Variants in COG5 observed in about 807,000 individuals in gnomAD.
The protein encoded by COG5 is component of oligomeric golgi complex 5.
Under a neutral mutation model 110.4 loss-of-function variants are expected in COG5, and 86 were observed. The ratio of observed to expected loss-of-function variants is 0.78; its 90% CI spans 0.65 to 0.93. The LOEUF is 0.93. COG5 is among the 40% of genes least tolerant of loss of function. The pLI is 0.00. For missense variants in COG5, 1,077 were observed against 987.0 expected (o/e 1.09, Z -1.22); for synonymous variants, 360 against 334.6 (o/e 1.08, Z -0.83).
At position 107,465,995 on chromosome 7, in the gene COG5, G is replaced by T. The variant is rs972079759; in HGVS notation, c.539-53363C>A. On this transcript the variant is annotated intron_variant, in intron 6 of 21. Coordinates refer to ENST00000297135, the MANE Select transcript of COG5 (RefSeq NM_006348.5). ...TAGTTGATCAATGGACTTGGCCTCA[G>T]GACACAAAATTAATTTGATTCTGCA... Among the ~76,000 whole-genome samples the T allele has an allele frequency of 4.0e-4, 61 of 151,918 alleles. 1 individual carries two copies. Among genetic ancestry groups the T allele is most frequent in the African/African-American group, 1.4e-3 (58 of 41,342 alleles).
chr7:107,326,139 C>A (rs910825582), intron 10 of COG5, among the ~76,000 whole-genome samples: 2 of 152,078 alleles, frequency 1.3e-5, no homozygotes, highest in Admixed American at 6.5e-5. Flanking sequence ...CAAACTAGGA[C>A]TCGAAGGAAA....
chr7:107,342,545 G>A (rs900835319), intron 10 of COG5, among the ~76,000 whole-genome samples: 9 of 152,004 alleles, frequency 5.9e-5, no homozygotes, highest in Non-Finnish European at 1.3e-4. Context: ...GGGCATGGTG[G>A]TGGGCACCTG....
At chr7:107,323,586 C>A (rs1043335880) in intron 11 of COG5, among the ~76,000 whole-genome samples, 2 of 152,092 alleles carry the variant, frequency 1.3e-5, no homozygotes, top group East Asian at 3.9e-4. Flanking sequence ...GTAAATGGAT[C>A]CTAATATCCC....
intron 11 of COG5, among the ~76,000 whole-genome samples, chr7:107,304,059 T>C (rs1056039941): frequency 6.6e-6 from 1 of 152,174 alleles, no homozygotes; most frequent in East Asian, 1.9e-4. Context: ...GATAATTCTA[T>C]GTATTGTACT....
intron 6 of COG5, among the ~76,000 whole-genome samples, chr7:107,488,189 G>A (rs1410244709): frequency 1.3e-5 from 2 of 151,750 alleles, no homozygotes; most frequent in African/African-American, 4.8e-5. Context: ...TATAGCACAT[G>A]GCAGGCCTTC....
intron 6 of COG5, among the ~76,000 whole-genome samples, chr7:107,479,940 T>C (rs955981183): frequency 6.6e-6 from 1 of 152,070 alleles, no homozygotes; most frequent in Non-Finnish European, 1.5e-5. Context: ...AACACACAAA[T>C]GTCATCCTTT....
At chr7:107,411,285 T>A (rs531015841) in intron 7 of COG5, among the ~76,000 whole-genome samples, 1 of 152,332 alleles carries the variant, frequency 6.6e-6, no homozygotes, top group African/African-American at 2.4e-5. Context: ...AATAGAGTTA[T>A]CTTTCCTTCT....
chr7:107,262,732 T>A (rs565357687), intron 14 of COG5, among the ~76,000 whole-genome samples: 119 of 152,218 alleles, frequency 7.8e-4, no homozygotes, highest in Non-Finnish European at 2.2e-4. Context: ...TCCTCCTTAT[T>A]CTCAGTTGAT....
At chr7:107,302,247 T>C (rs1032645543) in intron 11 of COG5, among the ~76,000 whole-genome samples, 4 of 152,114 alleles carry the variant, frequency 2.6e-5, no homozygotes, top group African/African-American at 9.7e-5. Flanking sequence ...TCATGCTGCA[T>C]GAAAGAAGCC....
intron 1 of COG5, 39 bp from the exon 2 acceptor site, chr7:107,558,154 C>T: frequency 2.5e-6 from 4 of 1,600,460 alleles, no homozygotes; most frequent in Non-Finnish European, 3.4e-6. Flanking sequence ...CCTTAATTAC[C>T]CTGTACTAAA....
At chr7:107,207,720 A>C in intron 21 of COG5, 1 of 967,562 alleles carries the variant, frequency 1.0e-6, no homozygotes, top group Non-Finnish European at 1.2e-6. Flanking sequence ...CTGAACACAT[A>C]CAACTGCCCC....
At chr7:107,535,980 T>G (rs1287773143) in intron 5 of COG5, among the ~76,000 whole-genome samples, 3 of 152,162 alleles carry the variant, frequency 2.0e-5, no homozygotes, top group Non-Finnish European at 4.4e-5. Flanking sequence ...GCTTAATCCC[T>G]GGGATGCAAG....
Position 107,546,438 on chromosome 7 carries a change from T to TTTTTTTTTG in COG5, c.417+1672_417+1673insCAAAAAAAA, listed in dbSNP as rs1802458481. ...AAGAGTTGTGTTTTGGTTTTTTGTT[T>TTTTTTTTTG]TTTTTTTTTTTTTTTGAGACAAGGT... is the stretch of plus-strand genomic sequence containing the variant. On this transcript the variant is annotated intron_variant, in intron 5 of 21. Coordinates refer to ENST00000297135, the MANE Select transcript of COG5 (RefSeq NM_006348.5). Among the ~76,000 whole-genome samples, 8 of 145,768 alleles carry TTTTTTTTTG rather than the reference T, an allele frequency of 5.5e-5. No individual in the cohort carries two copies. The South Asian group carries it at 1.5e-3, about 28-fold the overall frequency.
At chr7:107,378,738 A>G (rs1450020015) in intron 7 of COG5, among the ~76,000 whole-genome samples, 1 of 152,146 alleles carries the variant, frequency 6.6e-6, no homozygotes, top group Admixed American at 6.5e-5. Flanking sequence ...GAGTGAAAAG[A>G]AATGAACAAA....
In COG5 at chr7:107,383,969, G is replaced by A. The variant is rs890732626; in HGVS notation, c.670-11209C>T. Among the ~76,000 whole-genome samples the A allele has an allele frequency of 3.9e-5, 6 of 152,042 alleles. No individual in the cohort carries two copies. The South Asian group carries it at 1.0e-3, about 26-fold the overall frequency. On this transcript the variant is annotated intron_variant, in intron 7 of 21. Coordinates refer to ENST00000297135, the MANE Select transcript of COG5 (RefSeq NM_006348.5). ...CCCAACATACCACCAAAAGGATAAA[G>A]TTTTTTTTGCCAGTCAGGCTTTTGG...
At position 107,318,830 on chromosome 7, in the gene COG5, G is replaced by A. The variant is rs1240650988; in HGVS notation, c.1108+5610C>T. On this transcript the variant is annotated intron_variant, in intron 11 of 21. Transcript: ENST00000297135. Reference sequence around the variant, plus strand: ...TATCTCCAAATACAGTTACACTGGGGGTTAGGGCTTCAGTGTATGAATTGG... The same window carrying A: ...TATCTCCAAATACAGTTACACTGGGAGTTAGGGCTTCAGTGTATGAATTGG... Among the ~76,000 whole-genome samples, 3 of 152,300 alleles carry A rather than the reference G, an allele frequency of 2.0e-5. No homozygotes were observed. The East Asian group carries it at 5.8e-4, about 29-fold the overall frequency.
Position 107,248,434 on chromosome 7 carries a change from C to T in COG5, c.1815G>A (p.Glu605=). 5 of 1,612,138 alleles carry T rather than the reference C, an allele frequency of 3.1e-6. No individual in the cohort carries two copies. The highest frequency in any genetic ancestry group is 4.2e-6 in the Non-Finnish European group (5 of 1,179,236). The part of the protein sequence containing the change: ...PLLTSVGDAI[E]AIIITMHQED... ...CTTGATGCATGGTGATGATTATGGC[C>T]TCTATAGCATCTCCCACAGAAGTGA... is the stretch of plus-strand genomic sequence containing the variant. Residue 605 remains glutamate (E), a synonymous_variant, in exon 17 of 22, where the codon GAG becomes GAA. Transcript: ENST00000297135.
intron 6 of COG5, among the ~76,000 whole-genome samples, chr7:107,424,409 T>C (rs1179493842): frequency 6.6e-6 from 1 of 152,124 alleles, no homozygotes; most frequent in Non-Finnish European, 1.5e-5. Context: ...CTTGATTATG[T>C]TGATGCTTTC....
chr7:107,546,520 C>T (rs112450990), intron 5 of COG5, among the ~76,000 whole-genome samples: 1 of 145,636 alleles, frequency 6.9e-6, no homozygotes, highest in Non-Finnish European at 1.5e-5. Context: ...GCTGCAACTT[C>T]CACCTCCCAG....
Sources: gnomAD v4.1 joint callset for allele counts (sites outside exome capture counted in the v4.1 genomes callset) on GRCh38, gnomAD v4.1.1 for gene constraint, MANE v1.5 for transcripts, NCBI Gene and HGNC (gene_info 2026-07-23, HGNC 2026-07-21) for gene names.